The following UNC5A variants were observed in gnomAD, a reference collection of about 807,000 sequenced individuals.
UNC5A encodes unc-5 netrin receptor A, also known as netrin receptor UNC5A.
In UNC5A, 20 loss-of-function variants were observed where a neutral mutation model predicts 87.4. The observed-to-expected ratio is 0.23, with a 90% CI of 0.16 to 0.33. The LOEUF is 0.33. Among genes scored for constraint, UNC5A ranks in the 10% least tolerant of loss-of-function variants. The pLI is 1.00. For synonymous variants in UNC5A, 438 were observed against 482.3 expected (o/e 0.91, Z 1.20); for missense variants, 844 against 1,133.4 (o/e 0.74, Z 3.67).
At chr5:176,823,861 C>T (rs1327533234) in intron 1 of UNC5A, among the ~76,000 whole-genome samples, 1 of 152,134 alleles carries the variant, frequency 6.6e-6, no homozygotes, top group Non-Finnish European at 1.5e-5. Context: ...GGCTCCATCT[C>T]GAGGGGGTTG....
chr5:176,827,624 A>G (rs577255949), intron 1 of UNC5A, among the ~76,000 whole-genome samples: 9 of 152,304 alleles, frequency 5.9e-5, no homozygotes, highest in African/African-American at 1.9e-4. Flanking sequence ...GGGTACAAGT[A>G]TCTGTTTAAA....
At chr5:176,821,355 T>C (rs1433832020) in intron 1 of UNC5A, among the ~76,000 whole-genome samples, 1 of 152,218 alleles carries the variant, frequency 6.6e-6, no homozygotes, top group African/African-American at 2.4e-5. Context: ...TCTAGGGACC[T>C]TCCTTCTCCA....
At chr5:176,839,479 C>A (rs139504601) in intron 1 of UNC5A, among the ~76,000 whole-genome samples, 3 of 152,232 alleles carry the variant, frequency 2.0e-5, no homozygotes, top group Non-Finnish European at 4.4e-5. Context: ...ATATCAGCAT[C>A]GTTGAGCCCA....
At chr5:176,834,000 G>A (rs925664351) in intron 1 of UNC5A, among the ~76,000 whole-genome samples, 15 of 151,274 alleles carry the variant, frequency 9.9e-5, no homozygotes, top group African/African-American at 3.2e-4. Flanking sequence ...CACCGCACCC[G>A]GCCCAGTCAC....
At chr5:176,830,817 T>TGC (rs1756999362) in intron 1 of UNC5A, among the ~76,000 whole-genome samples, 1 of 148,740 alleles carries the variant, frequency 6.7e-6, no homozygotes, top group Non-Finnish European at 1.5e-5. Context: ...TGCGTGTGTG[T>TGC]GCGCTGGCAT....
intron 1 of UNC5A, among the ~76,000 whole-genome samples, chr5:176,825,095 A>G (rs904945605): frequency 6.6e-6 from 1 of 152,182 alleles, no homozygotes; most frequent in Non-Finnish European, 1.5e-5. Flanking sequence ...TCAGGTGGAA[A>G]CATCTAAAAG....
rs928438339 is a variant in UNC5A, at chr5:176,869,172, C to G, written c.721+208C>G. On this transcript the variant is annotated intron_variant, in intron 5 of 14. Coordinates refer to ENST00000329542, the MANE Select transcript of UNC5A (RefSeq NM_133369.3). The surrounding 1 kb of genome is among the most constrained non-coding windows in gnomAD (Gnocchi z 9.1). ...AAAGGAGTGGGACAGATTGGAGGTC[C>G]TTTGTGGGCAGCGGGCATTGTGCAG... is the stretch of plus-strand genomic sequence containing the variant. Among the ~76,000 whole-genome samples, 4 of 152,122 alleles carry G rather than the reference C, an allele frequency of 2.6e-5. No individual in the cohort carries two copies. The highest frequency in any genetic ancestry group is 5.9e-5 in the Non-Finnish European group (4 of 68,006).
At chr5:176,811,748 G>A (rs1308423748) in intron 1 of UNC5A, among the ~76,000 whole-genome samples, 1 of 152,034 alleles carries the variant, frequency 6.6e-6, no homozygotes. Flanking sequence ...GTGGTGGGGG[G>A]TGGGTGCCAT....
chr5:176,879,459 G>A lies in UNC5A; in HGVS notation c.2334G>A (p.Arg778=). The A allele has an allele frequency of 6.2e-7, 1 of 1,610,852 alleles. No individual in the cohort carries two copies. The highest frequency in any genetic ancestry group is 1.1e-5 in the South Asian group (1 of 90,836). The part of the protein sequence containing the change: ...DPPCRRGADW[R]TLAQKLHLDS... ...CCTGTAGGCGGGGTGCCGACTGGCGGACTCTGGCCCAGAAACTCCACCTGG... is the reference window on the plus strand; with the variant it reads ...CCTGTAGGCGGGGTGCCGACTGGCGAACTCTGGCCCAGAAACTCCACCTGG... Residue 778 remains arginine, a synonymous_variant, in exon 14 of 15, where the codon CGG becomes CGA. Transcript: ENST00000329542.
chr5:176,867,078 C>G (rs1218803163), intron 2 of UNC5A, among the ~76,000 whole-genome samples: 1 of 152,216 alleles, frequency 6.6e-6, no homozygotes, highest in Admixed American at 6.5e-5. Context: ...GCTCTTCCCG[C>G]AATGCAGCCC....
rs544292287 is a variant in UNC5A, at chr5:176,865,158, G to A, written c.292+2313G>A. On this transcript the variant is annotated intron_variant, in intron 2 of 14. Coordinates refer to ENST00000329542, the MANE Select transcript of UNC5A (RefSeq NM_133369.3). The surrounding 1 kb of genome is among the most constrained non-coding windows in gnomAD (Gnocchi z 5.3). ...CCCCACCCCACACCCGGGGCCCAGC[G>A]TCCCTTCAGCATAAGTTCTCCCACT... Among the ~76,000 whole-genome samples, 4 of 152,166 alleles carry A rather than the reference G, an allele frequency of 2.6e-5. No homozygotes were observed. The highest frequency in any genetic ancestry group is 5.9e-5 in the Non-Finnish European group (4 of 68,020).
At chr5:176,853,906 G>A (rs1444648854) in intron 1 of UNC5A, among the ~76,000 whole-genome samples, 1 of 152,172 alleles carries the variant, frequency 6.6e-6, no homozygotes, top group Non-Finnish European at 1.5e-5. Flanking sequence ...CAAGTCCTGG[G>A]GTGGACTGCA....
chr5:176,870,306 C>A, intron 5 of UNC5A, 64 bp from the exon 6 acceptor site: 1 of 1,570,734 alleles, frequency 6.4e-7, no homozygotes, highest in Non-Finnish European at 8.7e-7. Flanking sequence ...GCCACACTGG[C>A]AGACTGCCGG....
At chr5:176,879,274 A>T (rs1489360790) in intron 13 of UNC5A, 36 bp from the exon 14 acceptor site, 1 of 1,533,352 alleles carries the variant, frequency 6.5e-7, no homozygotes, top group Non-Finnish European at 8.8e-7. Flanking sequence ...GCCTGGGGAA[A>T]GTTCTAACAG....
chr5:176,845,160 G>A (rs1464787412), intron 1 of UNC5A, among the ~76,000 whole-genome samples: 8 of 152,046 alleles, frequency 5.3e-5, no homozygotes, highest in Middle Eastern at 3.2e-3. Flanking sequence ...TTTCATAGCC[G>A]TTCCCCCTCT....
At chr5:176,856,736 C>T (rs1273156938) in intron 1 of UNC5A, among the ~76,000 whole-genome samples, 2 of 152,142 alleles carry the variant, frequency 1.3e-5, no homozygotes, top group Non-Finnish European at 2.9e-5. Flanking sequence ...ATGCCCACAG[C>T]AGCCTCCCCA....
rs1478869718 is a variant in UNC5A at position 176,862,788 on chromosome 5, G to A, written c.235G>A (p.Gly79Arg). The A allele has an allele frequency of 8.7e-6, 14 of 1,613,412 alleles. No individual in the cohort carries two copies. Among genetic ancestry groups the A allele is most frequent in the East Asian group, 2.2e-5 (1 of 44,882 alleles). Residue 79 changes from glycine (G) to arginine (R), a missense_variant, in exon 2 of 15, where the codon GGG becomes AGG. Around this residue, in one of 3 missense-constraint regions of UNC5A, gnomAD observed 314 missense variants for 466.5 expected, o/e 0.67. Coordinates refer to ENST00000329542, the MANE Select transcript of UNC5A (RefSeq NM_133369.3). ...CACGCAGATCTTCTTCAAGTGCAAC[G>A]GGGAGTGGGTGCGCCAGGTGGACCA... ...PATQIFFKCN[G>R]EWVRQVDHVI...
At chr5:176,822,493 G>C (rs73340046) in intron 1 of UNC5A, among the ~76,000 whole-genome samples, 5,590 of 152,334 alleles carry the variant, frequency 0.037, 283 homozygotes, top group African/African-American at 0.11. Flanking sequence ...TGAGAAGGAA[G>C]GTTGGCGTGG....
intron 1 of UNC5A, among the ~76,000 whole-genome samples, chr5:176,850,716 A>G (rs1205201749): frequency 6.6e-6 from 1 of 152,004 alleles, no homozygotes; most frequent in East Asian, 1.9e-4. Flanking sequence ...CATGAGTGGG[A>G]GCTGGGTTTG....
Sources: gnomAD v4.1 joint callset for allele counts (sites outside exome capture counted in the v4.1 genomes callset) on GRCh38, gnomAD v4.1.1 for gene constraint, gnomAD v4.1.1 regional missense constraint, Gnocchi (gnomAD v3.1) non-coding constraint, MANE v1.5 for transcripts, NCBI Gene and HGNC (gene_info 2026-07-23, HGNC 2026-07-21) for gene names.